Variants in CPLANE1 observed in about 807,000 individuals in gnomAD.
CPLANE1 encodes ciliogenesis and planar polarity effector 1.
In CPLANE1, 263 loss-of-function variants were observed where a neutral mutation model predicts 362.5. The observed-to-expected ratio is 0.73, with a 90% CI of 0.66 to 0.80. The LOEUF is 0.80. Among genes scored for constraint, CPLANE1 ranks in the 30% least tolerant of loss-of-function variants. CPLANE1 has a pLI of 0.00. For synonymous variants in CPLANE1, 1,212 were observed against 1,302.6 expected (o/e 0.93, Z 1.50); for missense variants, 3,461 against 3,793.4 (o/e 0.91, Z 2.30).
At chr5:37,181,442 T>C (rs1782627769) in intron 26 of CPLANE1, among the ~76,000 whole-genome samples, 1 of 152,138 alleles carries the variant, frequency 6.6e-6, no homozygotes, top group Admixed American at 6.6e-5. Flanking sequence ...ATACATTACC[T>C]AGAAATACAC....
In CPLANE1 at chr5:37,241,240, G is replaced by A. The variant is rs1028984200; in HGVS notation, c.678-1371C>T. On this transcript the variant is annotated intron_variant, in intron 6 of 52. Coordinates refer to ENST00000651892, the MANE Select transcript of CPLANE1 (RefSeq NM_001384732.1). ...AGGCCAAGGCGGGCAGATCATTTGA[G>A]GTCAGGGGTTCGAGACCAGTCTGGC... is the stretch of plus-strand genomic sequence containing the variant. Among the ~76,000 whole-genome samples the A allele has an allele frequency of 7.6e-4, 116 of 152,284 alleles. 1 individual carries two copies. The highest frequency in any genetic ancestry group is 2.6e-3 in the African/African-American group (108 of 41,560).
At chr5:37,114,355 G>A (rs1760272214) in intron 51 of CPLANE1, among the ~76,000 whole-genome samples, 1 of 152,080 alleles carries the variant, frequency 6.6e-6, no homozygotes, top group Non-Finnish European at 1.5e-5. Flanking sequence ...AGTAAGACAT[G>A]GATAATAGTT....
At chr5:37,146,620 C>G (rs572731404) in intron 43 of CPLANE1, among the ~76,000 whole-genome samples, 1 of 151,930 alleles carries the variant, frequency 6.6e-6, no homozygotes, top group Non-Finnish European at 1.5e-5. Flanking sequence ...GAGATACATA[C>G]AAAATATTTA....
At chr5:37,131,113 G>GT (rs1439735826) in intron 46 of CPLANE1, among the ~76,000 whole-genome samples, 1 of 152,152 alleles carries the variant, frequency 6.6e-6, no homozygotes, top group African/African-American at 2.4e-5. Context: ...ACCTTCCTTT[G>GT]TTTTTGATAA....
intron 4 of CPLANE1, among the ~76,000 whole-genome samples, chr5:37,244,895 C>T (rs1304689409): frequency 6.6e-6 from 1 of 151,848 alleles, no homozygotes; most frequent in African/African-American, 2.4e-5. Context: ...GAACAAGATC[C>T]TGTCTCTAAA....
At chr5:37,174,013 T>C (rs1780491556) in intron 31 of CPLANE1, 66 bp from the exon 32 acceptor site, 15 of 1,317,992 alleles carry the variant, frequency 1.1e-5, no homozygotes, top group Middle Eastern at 2.0e-4. Context: ...TGAATGTCTA[T>C]GATCAGAATA....
At chr5:37,134,134 T>C (rs1766827269) in intron 46 of CPLANE1, among the ~76,000 whole-genome samples, 2 of 152,218 alleles carry the variant, frequency 1.3e-5, no homozygotes, top group South Asian at 4.1e-4. Flanking sequence ...GGTTTTGGTA[T>C]CAGGGTGATG....
intron 18 of CPLANE1, among the ~76,000 whole-genome samples, chr5:37,204,148 A>G (rs1790027199): frequency 6.6e-6 from 1 of 152,236 alleles, no homozygotes; most frequent in South Asian, 2.1e-4. Context: ...CAACTTTCAC[A>G]CAGTAACATC....
chr5:37,239,792 T>G lies in CPLANE1; in HGVS notation c.755A>C (p.Lys252Thr). The G allele has an allele frequency of 6.5e-7, 1 of 1,547,172 alleles. No individual in the cohort carries two copies. The highest frequency in any genetic ancestry group is 8.7e-7 in the Non-Finnish European group (1 of 1,144,428). Residue 252 changes from lysine (K) to threonine (T), a missense_variant, in exon 7 of 53, where the codon AAG becomes ACG. Physicochemically the swap from Lys to Thr is moderately conservative, Grantham distance 78. This residue lies in a region of CPLANE1 where 3,380 missense variants were observed against 3,666.1 expected (regional missense o/e 0.92). Transcript: ENST00000651892. ...CSLIPKCESV[K>T]SRGALISAFS... ...GGCAGAAATTAGAGCTCCTCTTGAC[T>G]TTACTGATTCACATTTAGGAATTAA...
rs896731706 is a variant in CPLANE1 at position 37,226,375 on chromosome 5, T to A, written c.2220A>T (p.Lys740Asn). ...FQMFQDSGFQ[K>N]NWSWNSFFKI... ...TGAAAAATGAGTTCCAAGACCAGTT[T>A]TTCTGAAAACCACTATCTTGAAACA... Residue 740 changes from lysine to asparagine, a missense_variant, in exon 12 of 53, where the codon AAA (lysine) becomes AAT (asparagine). By Grantham distance (94) the Lys-to-Asn change is moderately conservative. This residue lies in a region of CPLANE1 where 3,380 missense variants were observed against 3,666.1 expected (regional missense o/e 0.92). Coordinates refer to ENST00000651892, the MANE Select transcript of CPLANE1 (RefSeq NM_001384732.1). The A allele has an allele frequency of 1.3e-6, 2 of 1,548,056 alleles. No individual in the cohort carries two copies. Among genetic ancestry groups the A allele is most frequent in the African/African-American group, 1.4e-5 (1 of 72,870 alleles).
rs2150937338 is a variant in CPLANE1 at position 37,169,295 on chromosome 5, T to C, written c.6729A>G (p.Thr2243=). The change falls in exon 34 of 53, where the codon ACA becomes ACG. Residue 2243 remains threonine, a synonymous_variant. Transcript: ENST00000651892. The part of the protein sequence containing the change: ...KQEFQPLFLH[T]GSIPQVPFRP... ...TGAAGGGAACTTGTGGAATACTTCC[T>C]GTATGTAAGAAAAGGGGCTGGAATT... The C allele has an allele frequency of 6.2e-7, 1 of 1,614,220 alleles. No homozygotes were observed.
chr5:37,158,276 T>C lies in CPLANE1; in HGVS notation c.7760A>G (p.Glu2587Gly), dbSNP rs766541647. 1.7e-5 allele frequency: 28 copies of C among 1,613,824 alleles called. No homozygotes were observed. The Admixed American group carries it at 4.5e-4, about 26-fold the overall frequency. ...GGGTGACCAAGGTTTCTCTGACATT[T>C]CACTGGAAAGCTTCAGATTTAGATA... ...DVYLNLKLSSEMSEKPWSPSI... is the reference protein window; with the variant it reads ...DVYLNLKLSSGMSEKPWSPSI... Residue 2587 changes from glutamate to glycine, a missense_variant, in exon 39 of 53, where the codon GAA (glutamate) becomes GGA (glycine). Physicochemically the swap from Glu to Gly is moderately conservative, Grantham distance 98. This residue lies in a region of CPLANE1 where 3,380 missense variants were observed against 3,666.1 expected (regional missense o/e 0.92). Coordinates refer to ENST00000651892, the MANE Select transcript of CPLANE1 (RefSeq NM_001384732.1).
At chr5:37,231,868 C>G (rs1335186737) in intron 8 of CPLANE1, among the ~76,000 whole-genome samples, 1 of 151,954 alleles carries the variant, frequency 6.6e-6, no homozygotes, top group Admixed American at 6.6e-5. Context: ...TTTAATGAGA[C>G]AAACAGTAGG....
At chr5:37,202,349 G>C (rs1349717622) in intron 18 of CPLANE1, among the ~76,000 whole-genome samples, 1 of 151,888 alleles carries the variant, frequency 6.6e-6, no homozygotes, top group African/African-American at 2.4e-5. Flanking sequence ...GTAGAGATGA[G>C]GTTTCACCAT....
At chr5:37,116,732 C>G (rs1236094346) in intron 50 of CPLANE1, among the ~76,000 whole-genome samples, 3 of 152,118 alleles carry the variant, frequency 2.0e-5, no homozygotes, top group Non-Finnish European at 2.9e-5. Flanking sequence ...CAAGCATATT[C>G]AGAAAAACTC....
intron 15 of CPLANE1, among the ~76,000 whole-genome samples, chr5:37,216,030 T>C (rs1236559404): frequency 6.6e-6 from 1 of 151,296 alleles, no homozygotes; most frequent in African/African-American, 2.4e-5. Flanking sequence ...CAAGATGGGG[T>C]TTCGCCATGT....
At chr5:37,121,480 G>A (rs1762606959) in intron 49 of CPLANE1, 137 bp downstream of exon 49, 2 of 753,130 alleles carry the variant, frequency 2.7e-6, no homozygotes, top group African/African-American at 3.6e-5. Flanking sequence ...TGATTATGAG[G>A]CTACTTTTTT....
At position 37,158,298 on chromosome 5, in the gene CPLANE1, G is replaced by C; in HGVS notation, c.7738C>G (p.Leu2580Val). The C allele has an allele frequency of 3.7e-6, 6 of 1,613,882 alleles. No individual in the cohort carries two copies. Among genetic ancestry groups the C allele is most frequent in the Non-Finnish European group, 5.1e-6 (6 of 1,179,870 alleles). ...ATTTCACTGGAAAGCTTCAGATTTAGATAGACATCTGGGACCAAGAGCTGA... is the reference window on the plus strand; with the variant it reads ...ATTTCACTGGAAAGCTTCAGATTTACATAGACATCTGGGACCAAGAGCTGA... ...APQLLVPDVY[L>V]NLKLSSEMSE... The change falls in exon 39 of 53, where the codon CTA (leucine) becomes GTA (valine). Residue 2580 changes from leucine (L) to valine (V), a missense_variant. Around this residue, in one of 2 missense-constraint regions of CPLANE1, gnomAD observed 3,380 missense variants for 3,666.1 expected, o/e 0.92. Coordinates refer to ENST00000651892, the MANE Select transcript of CPLANE1 (RefSeq NM_001384732.1).
Position 37,169,182 on chromosome 5 carries a change from G to A in CPLANE1, c.6842C>T (p.Ala2281Val). 1 of 1,614,142 alleles carries A rather than the reference G, an allele frequency of 6.2e-7. No homozygotes were observed. The highest frequency in any genetic ancestry group is 8.5e-7 in the Non-Finnish European group (1 of 1,180,018). Residue 2281 changes from alanine to valine, a missense_variant, in exon 34 of 53, where the codon GCA (alanine) becomes GTA (valine). This residue lies in a region of CPLANE1 where 3,380 missense variants were observed against 3,666.1 expected (regional missense o/e 0.92). Transcript: ENST00000651892. ...ATACTGGCTTACATTCAAATGGGAT[G>A]CTGGAGTAGTTTGTGCTGCTCTCTG... ...LPQRAAQTTP[A>V]SHLNVSQYNT...
Sources: allele counts gnomAD v4.1 joint callset (sites outside exome capture counted in the v4.1 genomes callset), GRCh38; gene constraint gnomAD v4.1.1; regional missense constraint gnomAD v4.1.1; transcripts MANE v1.5; gene names NCBI Gene and HGNC (gene_info 2026-07-23, HGNC 2026-07-21).